NTRK3: variants seen among roughly 807,000 people sequenced by gnomAD.
The protein encoded by NTRK3 is neurotrophic receptor tyrosine kinase 3.
In NTRK3, 24 loss-of-function variants were observed where a neutral mutation model predicts 91.7. That is an observed-to-expected ratio of 0.26 (90% CI 0.19 to 0.37). The LOEUF (loss-of-function observed/expected upper bound fraction) is 0.37. Ranked by LOEUF, NTRK3 falls within the 10% of genes least tolerant of loss-of-function variation. The pLI, the probability that NTRK3 is intolerant of heterozygous loss-of-function variation, is 1.00. For missense variants in NTRK3, 880 were observed against 1,068.9 expected, an observed-to-expected ratio of 0.82 and a Z score of 2.46; for synonymous variants, 483 against 404.0, an observed-to-expected ratio of 1.20 and a Z score of -2.34.
chr15:87,905,557 G>A (rs755395957), intron 17 of NTRK3, among the ~76,000 whole-genome samples: 4 of 152,182 alleles, frequency 2.6e-5, no homozygotes, highest in Non-Finnish European at 4.4e-5. Flanking sequence ...GTGGTCCAGA[G>A]ACATCCTGTT....
intron 6 of NTRK3, among the ~76,000 whole-genome samples, chr15:88,146,535 C>T (rs1191432170): frequency 4.6e-5 from 7 of 152,180 alleles, no homozygotes; most frequent in African/African-American, 1.7e-4. Context: ...ATATGATGTC[C>T]TTCATGCACA....
exon 19 of NTRK3, chr15:87,860,310 T>C (rs896177294): frequency 1.9e-5 from 4 of 212,628 alleles, no homozygotes; most frequent in South Asian, 3.7e-4. Context: ...GTATTAAACA[T>C]AAATTACTAA....
At chr15:88,163,563 G>A (rs1267715161) in intron 5 of NTRK3, among the ~76,000 whole-genome samples, 1 of 152,180 alleles carries the variant, frequency 6.6e-6, no homozygotes, top group African/African-American at 2.4e-5. Flanking sequence ...GGAGTAAAAC[G>A]ACAGCTTTTC....
At chr15:88,137,498 C>A (rs974074758) in exon 7 of NTRK3, 19 of 1,614,222 alleles carry the variant, frequency 1.2e-5, no homozygotes, top group Non-Finnish European at 1.5e-5. Flanking sequence ...CCTCCCCCTG[C>A]TCCTGCCAGA....
At chr15:88,003,244 G>A (rs554367921) in intron 14 of NTRK3, among the ~76,000 whole-genome samples, 8 of 152,360 alleles carry the variant, frequency 5.3e-5, no homozygotes, top group South Asian at 4.1e-4. Flanking sequence ...ACTGGGAGGC[G>A]TAGAAGCAGC....
intron 14 of NTRK3, among the ~76,000 whole-genome samples, chr15:87,998,590 A>G (rs2075875023): frequency 6.6e-6 from 1 of 152,206 alleles, no homozygotes; most frequent in Non-Finnish European, 1.5e-5. Flanking sequence ...ATGCATTTTT[A>G]ATCCATGTAA....
At chr15:88,206,263 C>T (rs1368508841) in intron 3 of NTRK3, among the ~76,000 whole-genome samples, 3 of 150,132 alleles carry the variant, frequency 2.0e-5, no homozygotes, top group East Asian at 2.0e-4. Context: ...GAGAATAGCG[C>T]GAACCCCGGG....
chr15:88,117,255 A>G (rs1465846486), intron 13 of NTRK3, among the ~76,000 whole-genome samples: 1 of 152,208 alleles, frequency 6.6e-6, no homozygotes, highest in East Asian at 1.9e-4. Context: ...AACCATTCTG[A>G]GCAGTTTTCT....
intron 17 of NTRK3, among the ~76,000 whole-genome samples, chr15:87,899,221 T>C (rs568090828): frequency 6.6e-6 from 1 of 152,230 alleles, no homozygotes; most frequent in East Asian, 1.9e-4. Flanking sequence ...ATGGGCATAA[T>C]TAGTGGTAAG....
At chr15:87,921,335 A>G (rs2067850894) in intron 17 of NTRK3, among the ~76,000 whole-genome samples, 1 of 152,186 alleles carries the variant, frequency 6.6e-6, no homozygotes, top group South Asian at 2.1e-4. Flanking sequence ...TCACTTCTTC[A>G]TTGGTGCCTG....
chr15:87,908,386 G>T lies in NTRK3; in HGVS notation c.2133+20805C>A, dbSNP rs750416038. On this transcript the variant is annotated intron_variant, in intron 17 of 18. Transcript: ENST00000394480. ...GCAAGGAAAAAGAGGTTGGAAGCAG[G>T]CCCCAGCCCATGGAAGTGCCTCTCC... The T allele has an allele frequency of 7.0e-4, 278 of 398,102 alleles. 1 individual carries two copies. The highest frequency in any genetic ancestry group is 1.1e-3 in the Non-Finnish European group (249 of 225,840). The allele number at this position is 398,102 out of a possible 1,614,324, so 24.7% of individuals were successfully genotyped here.
intron 5 of NTRK3, among the ~76,000 whole-genome samples, chr15:88,166,368 T>A (rs1186985615): frequency 6.6e-6 from 1 of 152,210 alleles, no homozygotes; most frequent in Non-Finnish European, 1.5e-5. Context: ...GTCCACCACA[T>A]GCACCTAACT....
chr15:87,876,758 G>A (rs2064962860), exon 19 of NTRK3: 1 of 558,886 alleles, frequency 1.8e-6, no homozygotes, highest in Non-Finnish European at 3.1e-6. Context: ...TGCCTTACAG[G>A]GTTTTTTTTT....
chr15:87,935,494 A>C (rs528827755), intron 15 of NTRK3, among the ~76,000 whole-genome samples: 3 of 152,330 alleles, frequency 2.0e-5, no homozygotes, highest in Admixed American at 6.5e-5. Flanking sequence ...CCCAGCTCCC[A>C]GCAGCAGCCT....
chr15:87,978,360 T>C (rs2073907595), intron 14 of NTRK3: 1 of 230,130 alleles, frequency 4.3e-6, no homozygotes. Flanking sequence ...AAGTTTTACT[T>C]CTCTTCCCCT....
intron 11 of NTRK3, among the ~76,000 whole-genome samples, chr15:88,127,900 C>T (rs1177316733): frequency 2.0e-5 from 3 of 152,198 alleles, no homozygotes; most frequent in Non-Finnish European, 4.4e-5. Context: ...TCTAGAATCA[C>T]CTCCTTGACA....
At chr15:88,039,200 C>T (rs1052768450) in intron 13 of NTRK3, among the ~76,000 whole-genome samples, 1 of 151,874 alleles carries the variant, frequency 6.6e-6, no homozygotes, top group Non-Finnish European at 1.5e-5. Context: ...TACCTGTTAT[C>T]GGCCTCTCTG....
At chr15:88,232,682 T>C (rs988725007) in intron 3 of NTRK3, among the ~76,000 whole-genome samples, 1 of 152,104 alleles carries the variant, frequency 6.6e-6, no homozygotes, top group African/African-American at 2.4e-5. Flanking sequence ...TGCAGTAAAC[T>C]GAACCAAAGC....
chr15:88,063,331 G>A (rs1443243742), intron 13 of NTRK3, among the ~76,000 whole-genome samples: 1 of 152,186 alleles, frequency 6.6e-6, no homozygotes, highest in Admixed American at 6.5e-5. Context: ...CAGAGCTGTT[G>A]GTGGCTCTCT....
Sources: allele counts gnomAD v4.1 joint callset (sites outside exome capture counted in the v4.1 genomes callset), GRCh38; gene constraint gnomAD v4.1.1; transcripts MANE v1.5; gene names NCBI Gene and HGNC (gene_info 2026-07-23, HGNC 2026-07-21).